PPP4R3B: variants seen among roughly 807,000 people sequenced by gnomAD.
PPP4R3B encodes the protein serine/threonine-protein phosphatase 4 regulatory subunit 3B.
Under a neutral mutation model 95.4 loss-of-function variants are expected in PPP4R3B, and 52 were observed. The ratio of observed to expected loss-of-function variants is 0.54; its 90% CI spans 0.44 to 0.69. The LOEUF (loss-of-function observed/expected upper bound fraction) is 0.69, where lower values mean the gene tolerates loss of function less well. Among genes scored for constraint, PPP4R3B ranks in the 30% least tolerant of loss-of-function variants. The probability of loss-of-function intolerance (pLI) is 0.00; values close to 1 mark genes in which losing one functional copy is unlikely to be tolerated. For synonymous variants in PPP4R3B, 407 were observed against 343.9 expected (o/e 1.18, Z -2.03); for missense variants, 1,003 against 1,005.9 (o/e 1.00, Z 0.04).
At chr2:55,595,883 C>T (rs1229883360) in intron 4 of PPP4R3B, among the ~76,000 whole-genome samples, 3 of 152,082 alleles carry the variant, frequency 2.0e-5, no homozygotes, top group East Asian at 1.9e-4. Flanking sequence ...ATAGTAGCTG[C>T]TCAATAAACT....
intron 5 of PPP4R3B, 129 bp downstream of exon 5, chr2:55,588,750 T>C: frequency 1.8e-6 from 1 of 559,044 alleles, no homozygotes; most frequent in Non-Finnish European, 3.2e-6. Flanking sequence ...TAGTTCAATT[T>C]AAATACATAC....
chr2:55,552,794 C>T (rs1292570173), intron 16 of PPP4R3B, among the ~76,000 whole-genome samples: 2 of 152,166 alleles, frequency 1.3e-5, no homozygotes, highest in African/African-American at 4.8e-5. Flanking sequence ...GAAGAGAGAA[C>T]AGCAGTTTAG....
Position 55,568,325 on chromosome 2 carries a change from C to T in PPP4R3B, c.1804G>A (p.Asp602Asn). 6.2e-7 allele frequency: 1 copy of T among 1,605,322 alleles called. No homozygotes were observed. Among genetic ancestry groups the T allele is most frequent in the East Asian group, 2.2e-5 (1 of 44,616 alleles). The change falls in exon 13 of 17, where the codon GAT (aspartate) becomes AAT (asparagine). Residue 602 changes from aspartate (D) to asparagine (N), a missense_variant. This residue lies in a region of PPP4R3B where 79 missense variants were observed against 124.9 expected (regional missense o/e 0.63). Coordinates refer to ENST00000616407, the MANE Select transcript of PPP4R3B (RefSeq NM_001122964.3). ...GTGATGTAACGATTATAAAATTCAT[C>T]TTTAAGTCCAATTATCCGCCTCATA... Reference protein sequence around the residue: ...RFMRRIIGLKDEFYNRYITKG... With the variant: ...RFMRRIIGLKNEFYNRYITKG...
At chr2:55,600,044 T>C (rs1322736926) in intron 3 of PPP4R3B, among the ~76,000 whole-genome samples, 1 of 152,238 alleles carries the variant, frequency 6.6e-6, no homozygotes, top group Non-Finnish European at 1.5e-5. Flanking sequence ...TTCTCTCCAA[T>C]GGTTCCTTCT....
At chr2:55,564,569 A>T in intron 14 of PPP4R3B, 72 bp from the exon 15 acceptor site, 1 of 1,325,260 alleles carries the variant, frequency 7.5e-7, no homozygotes, top group Non-Finnish European at 1.0e-6. Context: ...AAGGAAAAAT[A>T]TGTATAACCA....
intron 2 of PPP4R3B, 31 bp downstream of exon 2, chr2:55,615,420 T>G (rs1694755765): frequency 6.8e-7 from 1 of 1,470,784 alleles, no homozygotes; most frequent in South Asian, 1.2e-5. Context: ...ACAGATGAAG[T>G]CTTTCAAATT....
Position 55,605,744 on chromosome 2 carries a change from A to G in PPP4R3B, c.199-1668T>C, listed in dbSNP as rs536696195. ...AACATGGTGAAACCCCGTCTCTACT[A>G]AAAATACAAAAATTAGCTGGGCGTG... On this transcript the variant is annotated intron_variant, in intron 2 of 16. Coordinates refer to ENST00000616407, the MANE Select transcript of PPP4R3B (RefSeq NM_001122964.3). 9.9e-5 allele frequency among the ~76,000 whole-genome samples: 15 copies of G among 152,200 alleles called. No individual in the cohort carries two copies. In the South Asian group the frequency reaches 2.3e-3, roughly 23 times the overall value.
intron 5 of PPP4R3B, among the ~76,000 whole-genome samples, chr2:55,587,634 C>T (rs1332577641): frequency 6.6e-6 from 1 of 152,176 alleles, no homozygotes; most frequent in African/African-American, 2.4e-5. Context: ...TAACACTGAT[C>T]AATTAACTCT....
At chr2:55,560,699 C>T (rs1686480306) in intron 15 of PPP4R3B, among the ~76,000 whole-genome samples, 1 of 140,132 alleles carries the variant, frequency 7.1e-6, no homozygotes, top group Non-Finnish European at 1.5e-5. Flanking sequence ...ATCAGTTGAA[C>T]CTGGGAGGCA....
At chr2:55,560,459 G>A (rs1425377163) in intron 15 of PPP4R3B, among the ~76,000 whole-genome samples, 2 of 152,138 alleles carry the variant, frequency 1.3e-5, no homozygotes, top group East Asian at 1.9e-4. Context: ...TCTGGTGGAA[G>A]AAATTTCTAA....
intron 16 of PPP4R3B, among the ~76,000 whole-genome samples, chr2:55,552,944 A>C (rs183134566): frequency 2.6e-5 from 4 of 152,304 alleles, no homozygotes; most frequent in Admixed American, 2.6e-4. Flanking sequence ...GAAAGAAGCT[A>C]GGCAGTAAAG....
At chr2:55,617,107 G>A (rs368163761) in intron 1 of PPP4R3B, 37 bp downstream of exon 1, 50 of 1,562,268 alleles carry the variant, frequency 3.2e-5, no homozygotes, top group East Asian at 1.8e-4. Flanking sequence ...CCCAACCAGA[G>A]GCACTATCCC....
intron 10 of PPP4R3B, among the ~76,000 whole-genome samples, chr2:55,577,787 G>T (rs1688882687): frequency 6.6e-6 from 1 of 151,704 alleles, no homozygotes; most frequent in South Asian, 2.1e-4. Flanking sequence ...TAAAACTCCA[G>T]AATAATGAAT....
chr2:55,570,446 TCTC>T (rs1454904727), intron 12 of PPP4R3B, among the ~76,000 whole-genome samples: 1 of 152,162 alleles, frequency 6.6e-6, no homozygotes, highest in African/African-American at 2.4e-5. Context: ...TGAAAAGAAA[TCTC>T]CTTTTTAACT....
Position 55,569,941 on chromosome 2 carries a change from T to C in PPP4R3B, c.1766-1578A>G, listed in dbSNP as rs148672730. Among the ~76,000 whole-genome samples the C allele has an allele frequency of 7.1e-3, 1,083 of 152,012 alleles. 10 individuals are homozygous for C. The highest frequency in any genetic ancestry group is 0.012 in the Non-Finnish European group (808 of 67,978). On this transcript the variant is annotated intron_variant, in intron 12 of 16. Transcript: ENST00000616407. ...CAATCACATAAAGGAGATCTAAAGGTTTTTTACTTCTCTGATGAAGACTAT... is the reference window on the plus strand; with the variant it reads ...CAATCACATAAAGGAGATCTAAAGGCTTTTTACTTCTCTGATGAAGACTAT...
intron 16 of PPP4R3B, among the ~76,000 whole-genome samples, chr2:55,551,476 C>G (rs553503487): frequency 6.6e-6 from 1 of 152,088 alleles, no homozygotes; most frequent in East Asian, 1.9e-4. Flanking sequence ...GATGGCCAGG[C>G]GCAGTGGCTC....
intron 3 of PPP4R3B, among the ~76,000 whole-genome samples, chr2:55,601,155 A>G (rs1411969871): frequency 6.6e-6 from 1 of 151,246 alleles, no homozygotes; most frequent in Non-Finnish European, 1.5e-5. Flanking sequence ...AAAAAAAAAA[A>G]AAAAAAAGCA....
At chr2:55,611,322 T>C (rs1206990296) in intron 2 of PPP4R3B, among the ~76,000 whole-genome samples, 1 of 152,208 alleles carries the variant, frequency 6.6e-6, no homozygotes, top group African/African-American at 2.4e-5. Context: ...CCACCACACC[T>C]GGCTTTGACT....
chr2:55,602,534 G>T lies in PPP4R3B; in HGVS notation c.297+1444C>A, dbSNP rs568930803. Among the ~76,000 whole-genome samples, 19 of 152,302 alleles carry T rather than the reference G, an allele frequency of 1.2e-4. No homozygotes were observed. The South Asian group carries it at 3.7e-3, about 30-fold the overall frequency. On this transcript the variant is annotated intron_variant, in intron 3 of 16. Coordinates refer to ENST00000616407, the MANE Select transcript of PPP4R3B (RefSeq NM_001122964.3). ...GACCACAAGATATTCTTGACCTCTG[G>T]AGGTGCTGGAATAAGGTCAGCCACA...
Sources: allele counts gnomAD v4.1 joint callset (sites outside exome capture counted in the v4.1 genomes callset), GRCh38; gene constraint gnomAD v4.1.1; regional missense constraint gnomAD v4.1.1; transcripts MANE v1.5; gene names NCBI Gene and HGNC (gene_info 2026-07-23, HGNC 2026-07-21).